Variants in HECTD4 observed in about 807,000 individuals in gnomAD.
HECTD4 encodes probable E3 ubiquitin-protein ligase HECTD4.
Under a neutral mutation model 471.5 loss-of-function variants are expected in HECTD4, and 114 were observed. The ratio of observed to expected loss-of-function variants is 0.24; its 90% CI spans 0.21 to 0.28. The LOEUF (loss-of-function observed/expected upper bound fraction) is 0.28. HECTD4 is among the 10% of genes least tolerant of loss of function. The pLI is 1.00. For missense variants in HECTD4, 3,866 were observed against 5,651.5 expected (o/e 0.68, Z 10.13); for synonymous variants, 2,012 against 2,256.0 (o/e 0.89, Z 3.07).
In HECTD4 at chr12:112,193,286, G is replaced by A. The variant is rs1303683729; in HGVS notation, c.8956-95C>T. ...ACATGGCCCAGGAAATCAGCCAAAC[G>A]ACTAAATAGCCCTCTGGAAGGAAGC... On this transcript the variant is annotated intron_variant, in intron 57 of 75. Coordinates refer to ENST00000682272, the MANE Select transcript of HECTD4 (RefSeq NM_001388303.1). The surrounding 1 kb of genome is among the most constrained non-coding windows in gnomAD (Gnocchi z 5.2). The A allele has an allele frequency of 3.4e-6, 5 of 1,483,918 alleles. No homozygotes were observed. The highest frequency in any genetic ancestry group is 2.0e-4 in the Middle Eastern group (1 of 5,002). The allele number at this position is 1,483,918 out of a possible 1,614,324, so 91.9% of individuals were successfully genotyped here.
rs545700935 is a variant in HECTD4 at position 112,185,580 on chromosome 12, TAA to T, written c.9473-89_9473-88del. 6.2e-5 allele frequency: 63 copies of T among 1,018,330 alleles called. No homozygotes were observed. In the East Asian group the frequency reaches 1.6e-3, roughly 25 times the overall value. 63.1% of individuals were successfully genotyped at this position (1,018,330 alleles called of 1,614,324 possible). On this transcript the variant is annotated intron_variant, in intron 60 of 75. Coordinates refer to ENST00000682272, the MANE Select transcript of HECTD4 (RefSeq NM_001388303.1). The stretch of plus-strand genomic sequence containing the variant: ...GTTCTGAGCCTGGAATCAACCCTCA[TAA>T]CAACCCTGTGAACACTGACTGCGCA...
rs1267250103 is a variant in HECTD4, at chr12:112,167,378, G to A, written c.12473C>T (p.Pro4158Leu). The A allele has an allele frequency of 6.2e-7, 1 of 1,613,740 alleles. No homozygotes were observed. The highest frequency in any genetic ancestry group is 2.2e-5 in the East Asian group (1 of 44,888). ...WKTLVGEPLD[P>L]EQDLQEADIL... is the part of the protein sequence containing the mutation. ...ATCCGCTTCCTGCAGGTCTTGCTCAGGGTCCAAGGGCTCGCCCACCAGCGT... is the reference window on the plus strand; with the variant it reads ...ATCCGCTTCCTGCAGGTCTTGCTCAAGGTCCAAGGGCTCGCCCACCAGCGT... The change falls in exon 72 of 76, where the codon CCT becomes CTT. Residue 4158 changes from proline (P) to leucine (L), a missense_variant. By Grantham distance (98) the Pro-to-Leu change is moderately conservative. Coordinates refer to ENST00000682272, the MANE Select transcript of HECTD4 (RefSeq NM_001388303.1).
intron 60 of HECTD4, among the ~76,000 whole-genome samples, chr12:112,189,846 T>C (rs1166349827): frequency 2.6e-5 from 4 of 151,984 alleles, no homozygotes; most frequent in Admixed American, 2.0e-4. Context: ...CTCCGCCTCC[T>C]GGGTTCAAGC....
chr12:112,229,921 T>C (rs755119595), intron 40 of HECTD4, 41 bp from the exon 41 acceptor site: 2 of 1,550,596 alleles, frequency 1.3e-6, no homozygotes, highest in South Asian at 2.4e-5. Context: ...GTTAAAGCTT[T>C]GGTTGTTTTG....
Position 112,243,969 on chromosome 12 carries a change from A to G in HECTD4, c.4554T>C (p.Ala1518=), listed in dbSNP as rs373981265. Residue 1518 remains alanine, a synonymous_variant, in exon 30 of 76, where the codon GCT becomes GCC. Transcript: ENST00000682272. This position sits in a 1 kb window ranked among gnomAD's most constrained non-coding sequence, Gnocchi z 6.6. Reference sequence around the variant, plus strand: ...TGCGAAGAAAAACAGGCTGCCTGACAGCGTGAGATATCACTTTTGTTTCAG... The same window carrying G: ...TGCGAAGAAAAACAGGCTGCCTGACGGCGTGAGATATCACTTTTGTTTCAG... ...SASETKVISH[A]VRQPVFLRSM... 5.5e-5 allele frequency: 89 copies of G among 1,613,948 alleles called. No individual in the cohort carries two copies. Among genetic ancestry groups the G allele is most frequent in the Non-Finnish European group, 7.5e-5 (88 of 1,179,908 alleles).
At chr12:112,250,838 T>G (rs2033865628) in intron 24 of HECTD4, 133 bp downstream of exon 24, 3 of 826,072 alleles carry the variant, frequency 3.6e-6, no homozygotes, top group East Asian at 5.4e-5. Context: ...TTATTTTTCT[T>G]AGACACAATG....
chr12:112,335,143 T>TACACACACACACACACACACACACAC lies in HECTD4; in HGVS notation c.178-15402_178-15401insGTGTGTGTGTGTGTGTGTGTGTGTGT, dbSNP rs144839031. On this transcript the variant is annotated intron_variant, in intron 1 of 75. Coordinates refer to ENST00000682272, the MANE Select transcript of HECTD4 (RefSeq NM_001388303.1). ...CAACAAGTGGATAAAGAAACTGTGA[T>TACACACACACACACACACACACACAC]ACACACACACACACACACACACAGA... Among the ~76,000 whole-genome samples the TACACACACACACACACACACACACAC allele has an allele frequency of 3.8e-3, 553 of 146,870 alleles. 12 individuals are homozygous for TACACACACACACACACACACACACAC. The highest frequency in any genetic ancestry group is 0.012 in the African/African-American group (488 of 39,484).
intron 53 of HECTD4, 151 bp downstream of exon 53, chr12:112,204,335 G>A: frequency 1.3e-6 from 1 of 749,024 alleles, no homozygotes; most frequent in South Asian, 1.8e-5. Flanking sequence ...TTGCCCTAGG[G>A]CTTCACATGG....
Position 112,266,036 on chromosome 12 carries a change from T to C in HECTD4, c.2393-53A>G. 3.2e-6 allele frequency: 4 copies of C among 1,252,826 alleles called. 2 individuals carry two copies. The South Asian group carries it at 5.1e-5, about 16-fold the overall frequency. 77.6% of individuals were successfully genotyped at this position (1,252,826 alleles called of 1,614,324 possible). On this transcript the variant is annotated intron_variant, in intron 14 of 75. Transcript: ENST00000682272. ...ACCCTGGTAATGACTCCTAGAATAC[T>C]GATGCTATTTTTAAAAAGTTTTTAA...
At position 112,366,850 on chromosome 12, in the gene HECTD4, A is replaced by G. The variant is rs540708397; in HGVS notation, c.177+15102T>C. Among the ~76,000 whole-genome samples, 4 of 150,432 alleles carry G rather than the reference A, an allele frequency of 2.7e-5. No individual in the cohort carries two copies. In the East Asian group the frequency reaches 5.8e-4, roughly 22 times the overall value. ...AGCTGAGATCGCGCCATTGCACTTCAGCCTGGGCAACAAGAGTGAAACTCT... is the reference window on the plus strand; with the variant it reads ...AGCTGAGATCGCGCCATTGCACTTCGGCCTGGGCAACAAGAGTGAAACTCT... On this transcript the variant is annotated intron_variant, in intron 1 of 75. Transcript: ENST00000682272.
intron 1 of HECTD4, among the ~76,000 whole-genome samples, chr12:112,372,075 G>A (rs1488195351): frequency 6.6e-6 from 1 of 150,944 alleles, no homozygotes; most frequent in Non-Finnish European, 1.5e-5. Context: ...CTTATAAAGA[G>A]AGTCAATACA....
At chr12:112,267,111 C>T in intron 13 of HECTD4, 129 bp from the exon 14 acceptor site, 1 of 626,154 alleles carries the variant, frequency 1.6e-6, no homozygotes, top group Non-Finnish European at 2.9e-6. Context: ...ACATCTGTCA[C>T]CCCATTGATC....
intron 7 of HECTD4, 125 bp downstream of exon 7, chr12:112,305,939 A>G (rs2035263532): frequency 2.5e-6 from 2 of 815,786 alleles, no homozygotes; most frequent in African/African-American, 3.5e-5. Context: ...AGAAAAATCA[A>G]TTTTAAGGAA....
intron 7 of HECTD4, among the ~76,000 whole-genome samples, chr12:112,294,964 C>A (rs772078855): frequency 3.4e-4 from 51 of 150,260 alleles, no homozygotes; most frequent in East Asian, 1.5e-3. Context: ...TTAATTAATT[C>A]ATTCATTTAG....
intron 45 of HECTD4, among the ~76,000 whole-genome samples, chr12:112,218,866 C>T (rs1339979824): frequency 6.6e-6 from 1 of 152,108 alleles, no homozygotes. Flanking sequence ...TCCCAAGTAG[C>T]TGGGATTACT....
intron 39 of HECTD4, 96 bp from the exon 40 acceptor site, chr12:112,230,918 T>A: frequency 8.5e-7 from 1 of 1,171,266 alleles, no homozygotes; most frequent in Non-Finnish European, 1.2e-6. Context: ...AAACCTTTTC[T>A]TTTTATACAA....
chr12:112,217,331 A>G, intron 45 of HECTD4, 136 bp from the exon 46 acceptor site: 1 of 496,926 alleles, frequency 2.0e-6, no homozygotes. Flanking sequence ...ACACACACAC[A>G]CACATACACA....
intron 40 of HECTD4, among the ~76,000 whole-genome samples, 193 bp downstream of exon 40, chr12:112,230,494 G>A (rs376921941): frequency 2.3e-4 from 35 of 152,298 alleles, no homozygotes; most frequent in Non-Finnish European, 4.3e-4. Flanking sequence ...AATGAGAACC[G>A]GGAGTGACAG....
At position 112,179,295 on chromosome 12, in the gene HECTD4, C is replaced by CTGA; in HGVS notation, c.11087_11089dup (p.Ile3696dup). ...TTTGCTAAGATAAATGTCAGAGACT[C>CTGA]TGATGGGCTTCGCTGGTGTCAGGCT... On this transcript the variant is annotated inframe_insertion, in exon 63 of 76. Transcript: ENST00000682272. This position sits in a 1 kb window ranked among gnomAD's most constrained non-coding sequence, Gnocchi z 4.3. 1.2e-6 allele frequency: 2 copies of CTGA among 1,613,526 alleles called. No homozygotes were observed. Among genetic ancestry groups the CTGA allele is most frequent in the Non-Finnish European group, 1.7e-6 (2 of 1,179,710 alleles).
Sources: allele counts gnomAD v4.1 joint callset (sites outside exome capture counted in the v4.1 genomes callset), GRCh38; gene constraint gnomAD v4.1.1; non-coding constraint Gnocchi (gnomAD v3.1); transcripts MANE v1.5; gene names NCBI Gene and HGNC (gene_info 2026-07-23, HGNC 2026-07-21).